Variants in ADAM10 observed in about 807,000 individuals in gnomAD.
ADAM10 encodes the protein ADAM metallopeptidase domain 10.
In ADAM10, 17 loss-of-function variants were observed where a neutral mutation model predicts 90.1. That is an observed-to-expected ratio of 0.19 (90% CI 0.13 to 0.28). ADAM10 has a LOEUF of 0.28. Ranked by LOEUF, ADAM10 falls within the 10% of genes least tolerant of loss-of-function variation. The probability of loss-of-function intolerance (pLI) is 1.00; values close to 1 mark genes in which losing one functional copy is unlikely to be tolerated. For missense variants in ADAM10, 610 were observed against 914.3 expected (o/e 0.67, Z 4.29); for synonymous variants, 310 against 298.6 (o/e 1.04, Z -0.40).
chr15:58,681,240 T>G (rs1255622276), intron 3 of ADAM10, among the ~76,000 whole-genome samples: 1 of 152,076 alleles, frequency 6.6e-6, no homozygotes, highest in Non-Finnish European at 1.5e-5. Flanking sequence ...AAGAAGACAA[T>G]ATAACACTAA....
chr15:58,644,573 C>T (rs1896501844), intron 6 of ADAM10, among the ~76,000 whole-genome samples: 1 of 152,092 alleles, frequency 6.6e-6, no homozygotes, highest in South Asian at 2.1e-4. Flanking sequence ...TTTGTTTCCT[C>T]AATCCAATCC....
chr15:58,717,528 G>C, intron 2 of ADAM10, 49 bp downstream of exon 2: 1 of 1,606,654 alleles, frequency 6.2e-7, no homozygotes. Flanking sequence ...CTTTAACTTA[G>C]ATTGAATATA....
Position 58,610,512 on chromosome 15 carries a change from G to C in ADAM10, c.1810C>G (p.Pro604Ala). The change falls in exon 14 of 16, where the codon CCA (proline) becomes GCA (alanine). Residue 604 changes from proline (P) to alanine (A), a missense_variant. Pro to Ala is a conservative substitution (Grantham distance 27). Around this residue, in one of 4 missense-constraint regions of ADAM10, gnomAD observed 150 missense variants for 268.5 expected, o/e 0.56. Transcript: ENST00000260408. ...CHVCCMKKMD[P>A]STCASTGSVQ... ...GACCCTGTACTGGCACAAGTTGATG[G>C]GTCCACTGGAAAAGAAATGCCAAAT... 6 of 1,613,872 alleles carry C rather than the reference G, an allele frequency of 3.7e-6. No individual in the cohort carries two copies. The highest frequency in any genetic ancestry group is 5.1e-6 in the Non-Finnish European group (6 of 1,179,896).
rs1372788330 is a variant in ADAM10, at chr15:58,641,002, C to T, written c.829-42G>A. 3 of 1,560,530 alleles carry T rather than the reference C, an allele frequency of 1.9e-6. No individual in the cohort carries two copies. In the East Asian group the frequency reaches 6.7e-5, roughly 35 times the overall value. On this transcript the variant is annotated intron_variant, in intron 7 of 15. Coordinates refer to ENST00000260408, the MANE Select transcript of ADAM10 (RefSeq NM_001110.4). ...TAATTTAGTAAGTAATTAATGTTAGCAGAGCTTTAGTGTGAATGTCTGCTC... is the reference window on the plus strand; with the variant it reads ...TAATTTAGTAAGTAATTAATGTTAGTAGAGCTTTAGTGTGAATGTCTGCTC...
At chr15:58,640,698 C>G (rs1163274544) in intron 8 of ADAM10, 79 bp downstream of exon 8, 149 of 1,371,818 alleles carry the variant, frequency 1.1e-4, no homozygotes, top group Non-Finnish European at 1.5e-4. Flanking sequence ...TTCTCCTATA[C>G]TTTGAAAATT....
At chr15:58,702,774 C>A (rs1485244205) in intron 2 of ADAM10, among the ~76,000 whole-genome samples, 1 of 152,130 alleles carries the variant, frequency 6.6e-6, no homozygotes, top group Non-Finnish European at 1.5e-5. Context: ...AAATTCACTG[C>A]TTCTATTAAC....
At chr15:58,636,035 G>C (rs1384685801) in intron 8 of ADAM10, among the ~76,000 whole-genome samples, 3 of 151,898 alleles carry the variant, frequency 2.0e-5, no homozygotes, top group Admixed American at 6.6e-5. Context: ...CCAACACTTT[G>C]GGTGGCGGCG....
chr15:58,728,424 T>C (rs1899113604), intron 1 of ADAM10, among the ~76,000 whole-genome samples: 1 of 152,122 alleles, frequency 6.6e-6, no homozygotes, highest in Non-Finnish European at 1.5e-5. Flanking sequence ...TATACCTCAA[T>C]AAAGCTGACT....
chr15:58,701,773 G>A (rs1898140909), intron 2 of ADAM10, among the ~76,000 whole-genome samples: 1 of 152,058 alleles, frequency 6.6e-6, no homozygotes, highest in Non-Finnish European at 1.5e-5. Flanking sequence ...AGAAAATGTA[G>A]CATATATACA....
chr15:58,630,066 A>G (rs1896060293), intron 9 of ADAM10, among the ~76,000 whole-genome samples: 1 of 152,064 alleles, frequency 6.6e-6, no homozygotes, highest in African/African-American at 2.4e-5. Context: ...GAGTCACCAC[A>G]GCTACCCTCC....
intron 2 of ADAM10, chr15:58,686,580 AC>A: frequency 3.3e-6 from 4 of 1,210,386 alleles, no homozygotes; most frequent in Non-Finnish European, 4.9e-6. Context: ...GCTGGAAGTA[AC>A]CCCTTCTGGG....
At chr15:58,633,901 TAA>T (rs541203863) in intron 8 of ADAM10, among the ~76,000 whole-genome samples, 38 of 118,124 alleles carry the variant, frequency 3.2e-4, no homozygotes, top group Non-Finnish European at 3.7e-4. Flanking sequence ...TCAAGAAGGT[TAA>T]AAAAAAAAAA....
At position 58,597,289 on chromosome 15, in the gene ADAM10, A is replaced by G. The variant is rs1193704058; in HGVS notation, c.*258T>C. The G allele has an allele frequency of 1.6e-6, 2 of 1,236,152 alleles. No homozygotes were observed. Among genetic ancestry groups the G allele is most frequent in the Admixed American group, 5.1e-5 (2 of 38,996 alleles). 76.6% of individuals were successfully genotyped at this position (1,236,152 alleles called of 1,614,324 possible). A position where few individuals can be genotyped will look rare whatever the true frequency, so the allele number is the denominator to read the frequency against. ...AACACGGGGCACATAATAATATTCT[A>G]AGACTTTGTGCCATTAAGTTAAAAA... On this transcript the variant is annotated 3_prime_UTR_variant, in exon 16 of 16. Coordinates refer to ENST00000260408, the MANE Select transcript of ADAM10 (RefSeq NM_001110.4).
intron 4 of ADAM10, among the ~76,000 whole-genome samples, chr15:58,674,843 T>C (rs1209398311): frequency 1.3e-5 from 2 of 152,206 alleles, no homozygotes; most frequent in Non-Finnish European, 2.9e-5. Flanking sequence ...GAAATAAGTA[T>C]AGGTATGGCT....
At chr15:58,607,861 C>G (rs1225850207) in intron 14 of ADAM10, among the ~76,000 whole-genome samples, 15 of 152,042 alleles carry the variant, frequency 9.9e-5, no homozygotes, top group Admixed American at 9.8e-4. Context: ...TACAGAAAAT[C>G]AGAACACATC....
chr15:58,644,294 A>C lies in ADAM10; in HGVS notation c.736-316T>G, dbSNP rs531347528. Reference sequence around the variant, plus strand: ...GCCCACGCTGGAGTGCAGTGTTGCAATCTCGGCTCACTGCAACCTCTGCCT... The same window carrying C: ...GCCCACGCTGGAGTGCAGTGTTGCACTCTCGGCTCACTGCAACCTCTGCCT... On this transcript the variant is annotated intron_variant, in intron 6 of 15. Transcript: ENST00000260408. Among the ~76,000 whole-genome samples the C allele has an allele frequency of 1.3e-4, 19 of 151,342 alleles. No homozygotes were observed. In the South Asian group the frequency reaches 4.0e-3, roughly 32 times the overall value.
At chr15:58,620,551 G>A (rs1223981228) in intron 11 of ADAM10, among the ~76,000 whole-genome samples, 4 of 151,638 alleles carry the variant, frequency 2.6e-5, no homozygotes, top group African/African-American at 4.9e-5. Context: ...GTTATAACTT[G>A]CCAAGTTAGA....
At chr15:58,660,353 C>T (rs2140721927) in intron 5 of ADAM10, among the ~76,000 whole-genome samples, 1 of 152,250 alleles carries the variant, frequency 6.6e-6, no homozygotes, top group African/African-American at 2.4e-5. Context: ...ACCATCTCAC[C>T]TAGCTCTTTA....
chr15:58,725,368 CAAAAAA>C (rs566581100), intron 1 of ADAM10, among the ~76,000 whole-genome samples: 1 of 110,846 alleles, frequency 9.0e-6, no homozygotes, highest in African/African-American at 3.2e-5. Context: ...TTGTCTCTAC[CAAAAAA>C]AAAAAAAAAA....
Sources: gnomAD v4.1 joint callset for allele counts (sites outside exome capture counted in the v4.1 genomes callset) on GRCh38, gnomAD v4.1.1 for gene constraint, gnomAD v4.1.1 regional missense constraint, MANE v1.5 for transcripts, NCBI Gene and HGNC (gene_info 2026-07-23, HGNC 2026-07-21) for gene names.